Variants in TMEM94 observed in about 807,000 individuals in gnomAD.
TMEM94 encodes transmembrane protein 94, also known as ER Mg2+ ATPase.
In TMEM94, 81 loss-of-function variants were observed where a neutral mutation model predicts 158.6. That is an observed-to-expected ratio of 0.51 (90% CI 0.43 to 0.61). The LOEUF (loss-of-function observed/expected upper bound fraction) is 0.61. TMEM94 is among the 20% of genes least tolerant of loss of function. The pLI, the probability that TMEM94 is intolerant of heterozygous loss-of-function variation, is 0.00. For synonymous variants in TMEM94, 751 were observed against 730.7 expected (o/e 1.03, Z -0.45); for missense variants, 1,435 against 1,762.0 (o/e 0.81, Z 3.32).
intron 9 of TMEM94, 192 bp from the exon 10 acceptor site, chr17:75,490,041 TG>T (rs1379204790): frequency 1.4e-6 from 1 of 709,648 alleles, no homozygotes. Context: ...ATCACGCCAC[TG>T]CCCTCCAGCC....
intron 1 of TMEM94, among the ~76,000 whole-genome samples, chr17:75,471,492 G>A (rs574363864): frequency 2.6e-5 from 4 of 152,026 alleles, no homozygotes; most frequent in Admixed American, 6.6e-5. Flanking sequence ...TGGCTGAGGC[G>A]GGCAGATCAC....
chr17:75,461,775 G>A (rs1179395683), intron 1 of TMEM94, among the ~76,000 whole-genome samples: 3 of 151,380 alleles, frequency 2.0e-5, no homozygotes, highest in Non-Finnish European at 2.9e-5. Context: ...TTAGCTGGGC[G>A]TGGTGGCGGG....
chr17:75,493,816 G>T lies in TMEM94; in HGVS notation c.2307G>T (p.Leu769=). The T allele has an allele frequency of 1.2e-6, 2 of 1,613,884 alleles. No individual in the cohort carries two copies. Among genetic ancestry groups the T allele is most frequent in the Non-Finnish European group, 1.7e-6 (2 of 1,180,026 alleles). Residue 769 remains leucine (L), a synonymous_variant, in exon 18 of 32, where the codon CTG becomes CTT. Transcript: ENST00000314256. The stretch of plus-strand genomic sequence containing the variant: ...AGCTCAATGGCAAGTGCATCGAGCT[G>T]GTACAGGTGCCCGGCCAAAGCAGCA... ...SSQLNGKCIE[L]VQVPGQSSIF...
intron 2 of TMEM94, among the ~76,000 whole-genome samples, chr17:75,478,907 TCA>T (rs2050933148): frequency 1.3e-5 from 2 of 152,186 alleles, no homozygotes; most frequent in African/African-American, 4.8e-5. Flanking sequence ...AGATTTTTTC[TCA>T]GTCATCTTGG....
rs979155186 is a variant in TMEM94 at position 75,487,904 on chromosome 17, G to T, written c.410-28G>T. 1.3e-6 allele frequency: 2 copies of T among 1,597,104 alleles called. No homozygotes were observed. Among genetic ancestry groups the T allele is most frequent in the Non-Finnish European group, 8.6e-7 (1 of 1,165,578 alleles). On this transcript the variant is annotated intron_variant, in intron 5 of 31. Coordinates refer to ENST00000314256, the MANE Select transcript of TMEM94 (RefSeq NM_014738.6). The surrounding 1 kb of genome is among the most constrained non-coding windows in gnomAD (Gnocchi z 4.6). ...GGGGGGCAGGGCCGTGGCTGAGAGG[G>T]TTGTTTCCCTCTTTCCATTCCCCTC...
At chr17:75,478,543 C>A (rs1055616287) in intron 2 of TMEM94, among the ~76,000 whole-genome samples, 2 of 152,020 alleles carry the variant, frequency 1.3e-5, no homozygotes, top group African/African-American at 2.4e-5. Flanking sequence ...CAGGGGCAGA[C>A]TCCTTGTGGT....
At position 75,493,718 on chromosome 17, in the gene TMEM94, T is replaced by C. The variant is rs545574223; in HGVS notation, c.2209T>C (p.Tyr737His). The C allele has an allele frequency of 6.2e-7, 1 of 1,614,000 alleles. No individual in the cohort carries two copies. Among genetic ancestry groups the C allele is most frequent in the Non-Finnish European group, 8.5e-7 (1 of 1,180,024 alleles). ...TGGCAGAAAGAAAGTGCTGGACTTC[T>C]ACCAGCGAGCCTGCCTGTCTGGGTA... ...GSDRKKVLDFYQRACLSGYCS... is the reference protein window; with the variant it reads ...GSDRKKVLDFHQRACLSGYCS... Residue 737 changes from tyrosine (Y) to histidine (H), a missense_variant, in exon 18 of 32, where the codon TAC becomes CAC. Physicochemically the swap from Tyr to His is moderately conservative, Grantham distance 83. Transcript: ENST00000314256.
Position 75,488,923 on chromosome 17 carries a change from C to A in TMEM94, c.764+13C>A, listed in dbSNP as rs1343180661. ...TTGACAACATCAGGTAGGGGTGCTG[C>A]CCCGCCTCCTCCTGTCCCTGGTGTC... On this transcript the variant is annotated intron_variant, in intron 7 of 31. Transcript: ENST00000314256. 1 of 1,547,902 alleles carries A rather than the reference C, an allele frequency of 6.5e-7. No homozygotes were observed. The highest frequency in any genetic ancestry group is 1.4e-5 in the African/African-American group (1 of 73,192).
Position 75,488,800 on chromosome 17 carries a change from C to T in TMEM94, c.654C>T (p.Pro218=), listed in dbSNP as rs1464004231. The change falls in exon 7 of 32, where the codon CCC becomes CCT. Residue 218 remains proline, a synonymous_variant. Coordinates refer to ENST00000314256, the MANE Select transcript of TMEM94 (RefSeq NM_014738.6). The part of the protein sequence containing the change: ...HIVLEPGDLF[P]PFSPPPSPRG... Reference sequence around the variant, plus strand: ...TCCTGGAGCCGGGAGACCTCTTCCCCCCCTTCTCCCCTCCACCCTCACCCC... The same window carrying T: ...TCCTGGAGCCGGGAGACCTCTTCCCTCCCTTCTCCCCTCCACCCTCACCCC... The T allele has an allele frequency of 6.2e-7, 1 of 1,613,616 alleles. No individual in the cohort carries two copies. The highest frequency in any genetic ancestry group is 1.1e-5 in the South Asian group (1 of 90,974).
chr17:75,485,663 G>T lies in TMEM94; in HGVS notation c.144+116G>T, dbSNP rs370994910. 6.2e-6 allele frequency: 9 copies of T among 1,454,678 alleles called. No individual in the cohort carries two copies. The highest frequency in any genetic ancestry group is 1.8e-4 in the Middle Eastern group (1 of 5,600). 90.1% of individuals were successfully genotyped at this position (1,454,678 alleles called of 1,614,324 possible). ...CCCTGGACAGTGTGACCCAACTGAG[G>T]CCTCATGAAATATCAGAAAGAAGCC... On this transcript the variant is annotated intron_variant, in intron 3 of 31. Transcript: ENST00000314256. The surrounding 1 kb of genome is among the most constrained non-coding windows in gnomAD (Gnocchi z 5.5).
chr17:75,464,676 CTTCT>C (rs376169961), intron 1 of TMEM94, among the ~76,000 whole-genome samples: 2,073 of 59,720 alleles, frequency 0.035, 84 homozygotes, highest in African/African-American at 0.043. Flanking sequence ...TCCTTCCTTC[CTTCT>C]TTCTTTCTTT....
In TMEM94 at chr17:75,459,061, A is replaced by AC. The variant is rs1013301881; in HGVS notation, c.-107+2310_-107+2311insC. On this transcript the variant is annotated intron_variant, in intron 1 of 31. Transcript: ENST00000314256. The stretch of plus-strand genomic sequence containing the variant: ...GACACAGCGAGACTCCGTCTCAAAA[A>AC]AAAAAAAACAAAAAAAACAAAAACA... Among the ~76,000 whole-genome samples, 19 of 152,150 alleles carry AC rather than the reference A, an allele frequency of 1.2e-4. 1 individual carries two copies. Among genetic ancestry groups the AC allele is most frequent in the African/African-American group, 4.6e-4 (19 of 41,458 alleles).
rs1426658342 is a variant in TMEM94, at chr17:75,497,190, T to G, written c.3399T>G (p.Pro1133=). ...TGTGGCTGTCCTGCTTTTGCTACCC[T>G]CTGCTCAGGTGAGATGCCATGTATC... ...DILWLSCFCY[P]LLSISLLGKP... Residue 1133 remains proline, a synonymous_variant, in exon 26 of 32, where the codon CCT becomes CCG. Transcript: ENST00000314256. 6.2e-7 allele frequency: 1 copy of G among 1,613,558 alleles called. No homozygotes were observed. The highest frequency in any genetic ancestry group is 1.7e-5 in the Admixed American group (1 of 60,006).
intron 2 of TMEM94, among the ~76,000 whole-genome samples, chr17:75,476,238 CA>C (rs2050684789): frequency 6.6e-6 from 1 of 152,184 alleles, no homozygotes; most frequent in African/African-American, 2.4e-5. Context: ...GTTTCTGGGA[CA>C]GGGGCAGTTT....
intron 1 of TMEM94, among the ~76,000 whole-genome samples, chr17:75,458,217 G>C (rs1351519128): frequency 2.0e-5 from 3 of 152,046 alleles, no homozygotes. Flanking sequence ...GTTGCATACA[G>C]GAACAGCGTG....
In TMEM94 at chr17:75,462,001, G is replaced by GTTTTTTTTTTTTTTTT. The variant is rs1230233393; in HGVS notation, c.-107+5254_-107+5255insTTTTTTTTTTTTTTTT. ...TAAATTTTACAGTTTTTTTTGTTTT[G>GTTTTTTTTTTTTTTTT]TTTTGTTTTGTTTTTTTTTTTTTTG... On this transcript the variant is annotated intron_variant, in intron 1 of 31. Transcript: ENST00000314256. Among the ~76,000 whole-genome samples, 768 of 85,638 alleles carry GTTTTTTTTTTTTTTTT rather than the reference G, an allele frequency of 9.0e-3. 103 individuals are homozygous for GTTTTTTTTTTTTTTTT. Among genetic ancestry groups the GTTTTTTTTTTTTTTTT allele is most frequent in the Non-Finnish European group, 0.012 (570 of 48,578 alleles). The allele number at this position is 85,638 out of a possible 152,430, so 56.2% of individuals were successfully genotyped here.
Position 75,492,091 on chromosome 17 carries a change from A to C in TMEM94, c.1596+191A>C. The C allele has an allele frequency of 1.3e-6, 1 of 766,640 alleles. No individual in the cohort carries two copies. Among genetic ancestry groups the C allele is most frequent in the Non-Finnish European group, 2.1e-6 (1 of 485,462 alleles). The allele number at this position is 766,640 out of a possible 1,614,324, so 47.5% of individuals were successfully genotyped here. On this transcript the variant is annotated intron_variant, in intron 14 of 31. Transcript: ENST00000314256. This position sits in a 1 kb window ranked among gnomAD's most constrained non-coding sequence, Gnocchi z 4.4. ...TGCGAAGTAGGTGGAGCCTCCCCCTACCCTTCCATTCTTGTAATCGCAATC... is the reference window on the plus strand; with the variant it reads ...TGCGAAGTAGGTGGAGCCTCCCCCTCCCCTTCCATTCTTGTAATCGCAATC...
rs2051981460 is a variant in TMEM94, at chr17:75,489,804, G to T, written c.954+142G>T. On this transcript the variant is annotated intron_variant, in intron 9 of 31. Coordinates refer to ENST00000314256, the MANE Select transcript of TMEM94 (RefSeq NM_014738.6). The surrounding 1 kb of genome is among the most constrained non-coding windows in gnomAD (Gnocchi z 5.0). ...GCTTAAGAACACCTCTTTCCAGCTG[G>T]GCGTGGGGACTCAGGCCTGTAATCC... 2.7e-6 allele frequency: 2 copies of T among 740,382 alleles called. No homozygotes were observed. Among genetic ancestry groups the T allele is most frequent in the Non-Finnish European group, 4.6e-6 (2 of 439,150 alleles). The allele number at this position is 740,382 out of a possible 1,614,324, so 45.9% of individuals were successfully genotyped here. A position where few individuals can be genotyped will look rare whatever the true frequency, so the allele number is the denominator to read the frequency against.
Position 75,499,444 on chromosome 17 carries a change from C to T in TMEM94, c.*110C>T. The T allele has an allele frequency of 1.9e-6, 2 of 1,071,456 alleles. No individual in the cohort carries two copies. Among genetic ancestry groups the T allele is most frequent in the Non-Finnish European group, 2.8e-6 (2 of 721,584 alleles). The allele number at this position is 1,071,456 out of a possible 1,614,324, so 66.4% of individuals were successfully genotyped here. The stretch of plus-strand genomic sequence containing the variant: ...ATGTTTCCAGGTTTGCTCCTGCACC[C>T]GTGGCACTGGAAACCCAGCTCCCCG... On this transcript the variant is annotated 3_prime_UTR_variant, in exon 32 of 32. Transcript: ENST00000314256.
Sources: gnomAD v4.1 joint callset for allele counts (sites outside exome capture counted in the v4.1 genomes callset) on GRCh38, gnomAD v4.1.1 for gene constraint, Gnocchi (gnomAD v3.1) non-coding constraint, MANE v1.5 for transcripts, NCBI Gene and HGNC (gene_info 2026-07-23, HGNC 2026-07-21) for gene names.